ABTB3: variants seen among roughly 807,000 people sequenced by gnomAD.
ABTB3 encodes the protein ankyrin repeat- and BTB/POZ domain-containing protein 3.
At chr12:107,434,314 G>A in the ABTB3 span, among the ~76,000 whole-genome samples, 1 of 152,188 alleles carries the variant, frequency 6.6e-6, no homozygotes, top group Non-Finnish European at 1.5e-5. Context: ...AGGCTGATAG[G>A]TAAAGAAATG....
chr12:107,590,240 G>C, the ABTB3 span, among the ~76,000 whole-genome samples: 3 of 152,190 alleles, frequency 2.0e-5, no homozygotes, highest in South Asian at 2.1e-4. Context: ...ATGCAAAAAG[G>C]CTTCTATATA....
chr12:107,410,756 A>G, the ABTB3 span, among the ~76,000 whole-genome samples: 1 of 152,064 alleles, frequency 6.6e-6, no homozygotes, highest in Non-Finnish European at 1.5e-5. Flanking sequence ...AAAGGGAGAG[A>G]GTGGAGGAGA....
chr12:107,445,057 C>G, the ABTB3 span, among the ~76,000 whole-genome samples: 5 of 152,220 alleles, frequency 3.3e-5, no homozygotes, highest in East Asian at 1.9e-4. Flanking sequence ...GGCTCTCCCC[C>G]CAGCCTGGGG....
At chr12:107,628,606 G>T in the ABTB3 span, among the ~76,000 whole-genome samples, 1,659 of 152,236 alleles carry the variant, frequency 0.011, 15 homozygotes, top group Middle Eastern at 0.02. Context: ...ATTTAATAAG[G>T]AGGGCTTTTT....
the ABTB3 span, among the ~76,000 whole-genome samples, chr12:107,568,567 C>T: frequency 2.2e-4 from 34 of 152,306 alleles, no homozygotes; most frequent in African/African-American, 7.9e-4. Flanking sequence ...TTCAATCACA[C>T]TAATAACATT....
chr12:107,574,251 C>T, the ABTB3 span, among the ~76,000 whole-genome samples: 1 of 152,204 alleles, frequency 6.6e-6, no homozygotes, highest in African/African-American at 2.4e-5. Flanking sequence ...ACCAGCTCAA[C>T]TCCTTCTATT....
At chr12:107,506,108 A>C in the ABTB3 span, among the ~76,000 whole-genome samples, 1 of 152,210 alleles carries the variant, frequency 6.6e-6, no homozygotes, top group Non-Finnish European at 1.5e-5. Flanking sequence ...AAATCGCCAT[A>C]CTGTCTTCCA....
At chr12:107,516,781 G>A in the ABTB3 span, among the ~76,000 whole-genome samples, 43,944 of 152,072 alleles carry the variant, frequency 0.29, 7,136 homozygotes, top group African/African-American at 0.42. Flanking sequence ...GGTGAGGAGT[G>A]GACTTTAACT....
the ABTB3 span, among the ~76,000 whole-genome samples, chr12:107,583,861 T>C: frequency 6.6e-6 from 1 of 152,198 alleles, no homozygotes; most frequent in African/African-American, 2.4e-5. Context: ...TTTTTAATCA[T>C]TTATCTCTTC....
At chr12:107,430,511 C>T in the ABTB3 span, among the ~76,000 whole-genome samples, 3 of 152,328 alleles carry the variant, frequency 2.0e-5, no homozygotes, top group South Asian at 6.2e-4. Context: ...TCAAGGTTGA[C>T]TATCACCACA....
chr12:107,618,402 C>T, the ABTB3 span: 145 of 1,587,766 alleles, frequency 9.1e-5, no homozygotes, highest in East Asian at 6.1e-4. Flanking sequence ...CCCTCCACCA[C>T]GGGCACCATG....
chr12:107,389,526 G>A, the ABTB3 span, among the ~76,000 whole-genome samples: 115 of 152,230 alleles, frequency 7.6e-4, no homozygotes, highest in South Asian at 0.017. Context: ...AAACTGGCAT[G>A]GGCAGCTCAA....
chr12:107,400,243 A>G, the ABTB3 span, among the ~76,000 whole-genome samples: 2 of 152,180 alleles, frequency 1.3e-5, no homozygotes, highest in African/African-American at 4.8e-5. Flanking sequence ...TCTGCTTTAC[A>G]TATTTTAACT....
chr12:107,387,954 CTT>C, the ABTB3 span, among the ~76,000 whole-genome samples: 92 of 118,368 alleles, frequency 7.8e-4, no homozygotes, highest in East Asian at 5.2e-3. Context: ...CTTTTCTCCT[CTT>C]CTTCTTCTTC....
chr12:107,463,604 T>C, the ABTB3 span, among the ~76,000 whole-genome samples: 1 of 152,122 alleles, frequency 6.6e-6, no homozygotes, highest in African/African-American at 2.4e-5. Flanking sequence ...ACTAAGATGG[T>C]CAGACTCCAA....
At chr12:107,409,913 G>C in the ABTB3 span, among the ~76,000 whole-genome samples, 1 of 152,104 alleles carries the variant, frequency 6.6e-6, no homozygotes, top group Non-Finnish European at 1.5e-5. Flanking sequence ...AGAAAATACA[G>C]GGCCTCTTGT....
At chr12:107,365,208 A>G in the ABTB3 span, among the ~76,000 whole-genome samples, 1 of 152,240 alleles carries the variant, frequency 6.6e-6, no homozygotes, top group African/African-American at 2.4e-5. Context: ...TAATTAAATA[A>G]GATAATAGAT....
At chr12:107,575,121 AAT>A in the ABTB3 span, among the ~76,000 whole-genome samples, 31 of 152,314 alleles carry the variant, frequency 2.0e-4, no homozygotes, top group African/African-American at 7.2e-4. Flanking sequence ...CTAAACCACA[AAT>A]ATCGAAATTC....
At chr12:107,408,009 G>T in the ABTB3 span, among the ~76,000 whole-genome samples, 1 of 151,960 alleles carries the variant, frequency 6.6e-6, no homozygotes, top group African/African-American at 2.4e-5. Flanking sequence ...CAAACCTGTC[G>T]TTGCAACGAA....
Sources: gnomAD v4.1 joint callset for allele counts (sites outside exome capture counted in the v4.1 genomes callset) on GRCh38, gnomAD v4.1.1 for gene constraint, MANE v1.5 for transcripts, NCBI Gene and HGNC (gene_info 2026-07-23, HGNC 2026-07-21) for gene names.